TMX2: variants seen among roughly 807,000 people sequenced by gnomAD.
TMX2 encodes the protein thioredoxin-related transmembrane protein 2.
In TMX2, 20 loss-of-function variants were observed where a neutral mutation model predicts 33.4. The observed-to-expected ratio is 0.60, with a 90% CI of 0.42 to 0.87. TMX2 has a LOEUF of 0.87. Ranked by LOEUF, TMX2 falls within the 40% of genes least tolerant of loss-of-function variation. The probability of loss-of-function intolerance (pLI) is 0.00; values close to 1 mark genes in which losing one functional copy is unlikely to be tolerated. For missense variants in TMX2, 340 were observed against 370.7 expected, an observed-to-expected ratio of 0.92 and a Z score of 0.68; for synonymous variants, 166 against 140.7, an observed-to-expected ratio of 1.18 and a Z score of -1.27.
intron 1 of TMX2, among the ~76,000 whole-genome samples, chr11:57,719,763 T>C (rs544490866): frequency 3.9e-4 from 59 of 151,306 alleles, no homozygotes; most frequent in Non-Finnish European, 6.2e-4. Context: ...GTGGTACATT[T>C]TCCCTCAGCC....
chr11:57,718,403 T>G (rs1947321258), intron 1 of TMX2: 1 of 1,394,126 alleles, frequency 7.2e-7, no homozygotes, highest in South Asian at 1.2e-5. Flanking sequence ...ACCAAATCCT[T>G]TTTGTCCAGT....
intron 1 of TMX2, among the ~76,000 whole-genome samples, chr11:57,727,974 C>T (rs191008818): frequency 3.3e-5 from 5 of 152,280 alleles, no homozygotes; most frequent in African/African-American, 1.2e-4. Flanking sequence ...TTTGAGTTGT[C>T]CTGCCTTTCT....
intron 1 of TMX2, among the ~76,000 whole-genome samples, chr11:57,723,868 A>G (rs1160285752): frequency 3.3e-5 from 5 of 150,098 alleles, no homozygotes; most frequent in Non-Finnish European, 7.4e-5. Flanking sequence ...GAAGAAAATT[A>G]TACAGATAAA....
chr11:57,736,389 A>G (rs1237089526), intron 1 of TMX2, among the ~76,000 whole-genome samples: 4 of 151,986 alleles, frequency 2.6e-5, no homozygotes, highest in Admixed American at 6.6e-5. Flanking sequence ...AAGAAAGTCT[A>G]TGAATTTGTG....
At chr11:57,734,690 C>G (rs2135608077) in intron 1 of TMX2, among the ~76,000 whole-genome samples, 1 of 151,684 alleles carries the variant, frequency 6.6e-6, no homozygotes, top group African/African-American at 2.4e-5. Flanking sequence ...AAAGGTTGCA[C>G]TGAGCTGAGG....
At chr11:57,731,433 CTTT>C (rs140987390) in intron 1 of TMX2, among the ~76,000 whole-genome samples, 19 of 67,010 alleles carry the variant, frequency 2.8e-4, no homozygotes, top group African/African-American at 7.2e-4. Context: ...CGCACCCAGC[CTTT>C]TTTTTTTTTT....
chr11:57,739,856 G>A (rs1027157791), intron 7 of TMX2, among the ~76,000 whole-genome samples: 21 of 152,150 alleles, frequency 1.4e-4, no homozygotes, highest in Non-Finnish European at 2.5e-4. Flanking sequence ...TGGCTTACAG[G>A]GTTGTTTTGC....
chr11:57,726,554 T>C (rs994311653), intron 1 of TMX2, among the ~76,000 whole-genome samples: 1 of 152,148 alleles, frequency 6.6e-6, no homozygotes, highest in African/African-American at 2.4e-5. Flanking sequence ...CCTAAAACAA[T>C]TGACTATAAG....
intron 1 of TMX2, among the ~76,000 whole-genome samples, chr11:57,736,731 T>C (rs1948775330): frequency 6.6e-6 from 1 of 151,682 alleles, no homozygotes; most frequent in African/African-American, 2.4e-5. Flanking sequence ...CTACAAAAAA[T>C]ACAAAAATTA....
intron 4 of TMX2, 66 bp from the exon 5 acceptor site, chr11:57,738,598 C>A: frequency 1.4e-6 from 2 of 1,431,550 alleles, no homozygotes; most frequent in Non-Finnish European, 2.0e-6. Context: ...GAATTAGATG[C>A]TAAAGTCTGA....
At chr11:57,719,613 C>T (rs886984310) in intron 1 of TMX2, among the ~76,000 whole-genome samples, 3 of 147,918 alleles carry the variant, frequency 2.0e-5, no homozygotes, top group East Asian at 2.1e-4. Flanking sequence ...CTTGACCTCC[C>T]GGGCTCAAGT....
At chr11:57,724,118 T>G (rs909299459) in intron 1 of TMX2, among the ~76,000 whole-genome samples, 3 of 152,068 alleles carry the variant, frequency 2.0e-5, no homozygotes, top group Non-Finnish European at 4.4e-5. Flanking sequence ...AGGACAAAAT[T>G]CTTAATTTTA....
At position 57,736,602 on chromosome 11, in the gene TMX2, T is replaced by C. The variant is rs150100602; in HGVS notation, c.190-1006T>C. Among the ~76,000 whole-genome samples, 47 of 151,908 alleles carry C rather than the reference T, an allele frequency of 3.1e-4. 3 individuals carry two copies. In the East Asian group the frequency reaches 7.2e-3, roughly 23 times the overall value. On this transcript the variant is annotated intron_variant, in intron 1 of 7. Transcript: ENST00000278422. ...TGGGTGGGGAGGAATGATTAAGTAA[T>C]GGGGGCCGGGCTCGGTGGCTCACAC... is the stretch of plus-strand genomic sequence containing the variant.
chr11:57,715,446 A>T (rs988554252), intron 1 of TMX2, among the ~76,000 whole-genome samples: 2 of 149,806 alleles, frequency 1.3e-5, no homozygotes, highest in Non-Finnish European at 3.0e-5. Context: ...TTTTATATAT[A>T]ATATATATGT....
chr11:57,723,494 A>G (rs913126708), intron 1 of TMX2, among the ~76,000 whole-genome samples: 3 of 136,132 alleles, frequency 2.2e-5, no homozygotes, highest in African/African-American at 8.4e-5. Flanking sequence ...AAAAAAAAAA[A>G]TTCATCGCAA....
chr11:57,720,561 C>T (rs184266923), intron 1 of TMX2, among the ~76,000 whole-genome samples: 6 of 152,278 alleles, frequency 3.9e-5, no homozygotes, highest in Admixed American at 6.5e-5. Flanking sequence ...CCATCACACA[C>T]GGCTAATTTT....
intron 4 of TMX2, 107 bp downstream of exon 4, chr11:57,738,537 G>C (rs1269999246): frequency 8.3e-7 from 1 of 1,211,096 alleles, no homozygotes; most frequent in Non-Finnish European, 1.2e-6. Flanking sequence ...TGGATGTCAC[G>C]GGCACTGTGG....
intron 1 of TMX2, chr11:57,717,968 A>T (rs1947294795): frequency 1.4e-6 from 1 of 731,362 alleles, no homozygotes; most frequent in East Asian, 2.5e-5. Context: ...CAAATGGGGT[A>T]GAGGGGTGCT....
chr11:57,717,755 G>GAGAGGC lies in TMX2; in HGVS notation c.189+4967_189+4972dup, dbSNP rs1192422381. Among the ~76,000 whole-genome samples, 114 of 145,622 alleles carry GAGAGGC rather than the reference G, an allele frequency of 7.8e-4. 4 individuals carry two copies. The highest frequency in any genetic ancestry group is 2.5e-3 in the African/African-American group (96 of 38,782). ...GAGGGGAGAGGGGAGAGGGGAGAGG[G>GAGAGGC]AGAGGCAGAGGCAGAGGCAGAGGCC... On this transcript the variant is annotated intron_variant, in intron 1 of 7. Coordinates refer to ENST00000278422, the MANE Select transcript of TMX2 (RefSeq NM_015959.4).
Sources: allele counts gnomAD v4.1 joint callset (sites outside exome capture counted in the v4.1 genomes callset), GRCh38; gene constraint gnomAD v4.1.1; transcripts MANE v1.5; gene names NCBI Gene and HGNC (gene_info 2026-07-23, HGNC 2026-07-21).